Variants in STPG2 observed in about 807,000 individuals in gnomAD.
The protein encoded by STPG2 is sperm-tail PG-rich repeat-containing protein 2.
In STPG2, 56 loss-of-function variants were observed where a neutral mutation model predicts 54.2. That is an observed-to-expected ratio of 1.03 (90% CI 0.83 to 1.29). STPG2 has a LOEUF of 1.29. STPG2 is among the 50% of genes most tolerant of loss of function. STPG2 has a pLI of 0.00. For missense variants in STPG2, 596 were observed against 544.9 expected (o/e 1.09, Z -0.93); for synonymous variants, 200 against 181.8 (o/e 1.10, Z -0.81).
chr4:97,775,965 T>C (rs1002097274), intron 9 of STPG2, among the ~76,000 whole-genome samples: 31 of 152,230 alleles, frequency 2.0e-4, no homozygotes, highest in African/African-American at 7.5e-4. Flanking sequence ...TTTCACCACA[T>C]TGACAAGACT....
chr4:97,748,792 C>A (rs1275879484), intron 9 of STPG2, among the ~76,000 whole-genome samples: 9 of 151,452 alleles, frequency 5.9e-5, no homozygotes, highest in African/African-American at 1.7e-4. Flanking sequence ...TTGATTTGTT[C>A]TTTCTCAAAC....
At chr4:98,125,348 G>A (rs965477268) in intron 3 of STPG2, among the ~76,000 whole-genome samples, 5 of 152,082 alleles carry the variant, frequency 3.3e-5, no homozygotes, top group African/African-American at 1.2e-4. Context: ...TGGACCTTTG[G>A]ATGGGGTTTT....
intron 9 of STPG2, among the ~76,000 whole-genome samples, chr4:97,837,816 T>C (rs1052486938): frequency 6.6e-6 from 1 of 151,690 alleles, no homozygotes; most frequent in Non-Finnish European, 1.5e-5. Context: ...GGCTATAACA[T>C]GAGTTATTGA....
chr4:97,923,174 C>T (rs1732176350), intron 8 of STPG2, among the ~76,000 whole-genome samples: 1 of 152,260 alleles, frequency 6.6e-6, no homozygotes, highest in Non-Finnish European at 1.5e-5. Flanking sequence ...GCCCTTCAGC[C>T]TGCCGCTGCA....
chr4:97,475,974 T>C (rs1397418368), intron 4 of STPG2, among the ~76,000 whole-genome samples: 1 of 152,184 alleles, frequency 6.6e-6, no homozygotes. Flanking sequence ...TTTATATGTT[T>C]ATTTTTTCTC....
At chr4:97,675,297 C>G (rs934070912) in intron 10 of STPG2, among the ~76,000 whole-genome samples, 1 of 152,134 alleles carries the variant, frequency 6.6e-6, no homozygotes, top group African/African-American at 2.4e-5. Flanking sequence ...GCCACCGCGC[C>G]TGGCCTGAAG....
At chr4:97,920,758 C>A (rs540270828) in intron 8 of STPG2, among the ~76,000 whole-genome samples, 1 of 152,284 alleles carries the variant, frequency 6.6e-6, no homozygotes, top group South Asian at 2.1e-4. Context: ...CACCTATGGT[C>A]TTTGACCAGT....
At chr4:98,079,964 C>T (rs973906459) in intron 5 of STPG2, among the ~76,000 whole-genome samples, 5 of 151,974 alleles carry the variant, frequency 3.3e-5, no homozygotes, top group African/African-American at 7.2e-5. Context: ...ATTTTACTTT[C>T]GGAAATATGC....
At chr4:97,959,526 A>T (rs1423460285) in intron 7 of STPG2, among the ~76,000 whole-genome samples, 3 of 152,160 alleles carry the variant, frequency 2.0e-5, no homozygotes, top group Non-Finnish European at 4.4e-5. Flanking sequence ...GACATATTAC[A>T]ACTGACACCA....
intron 4 of STPG2, among the ~76,000 whole-genome samples, chr4:97,510,489 C>T (rs1730948896): frequency 6.6e-6 from 1 of 151,966 alleles, no homozygotes; most frequent in Non-Finnish European, 1.5e-5. Context: ...TACACTTTAC[C>T]TTCTATACAT....
chr4:97,539,245 G>T (rs1731627036), intron 4 of STPG2, among the ~76,000 whole-genome samples: 1 of 152,122 alleles, frequency 6.6e-6, no homozygotes, highest in African/African-American at 2.4e-5. Context: ...GACACAGACT[G>T]GTAAATTGGA....
At chr4:97,459,723 G>A (rs1048521092) in intron 4 of STPG2, among the ~76,000 whole-genome samples, 1 of 152,096 alleles carries the variant, frequency 6.6e-6, no homozygotes, top group African/African-American at 2.4e-5. Flanking sequence ...TTACAGGCGT[G>A]AGCCACCGTG....
chr4:98,017,875 A>ATT (rs1281110404), intron 5 of STPG2, among the ~76,000 whole-genome samples: 51 of 151,746 alleles, frequency 3.4e-4, no homozygotes, highest in Middle Eastern at 3.4e-3. Context: ...GCATTCATTC[A>ATT]TTCTCTCTCT....
chr4:97,975,615 T>C (rs1734472599), intron 6 of STPG2, among the ~76,000 whole-genome samples: 1 of 152,162 alleles, frequency 6.6e-6, no homozygotes, highest in African/African-American at 2.4e-5. Flanking sequence ...TCAATTCTAG[T>C]GAGCAGCAAT....
At chr4:97,532,020 A>C (rs1342308813) in intron 4 of STPG2, among the ~76,000 whole-genome samples, 1 of 152,184 alleles carries the variant, frequency 6.6e-6, no homozygotes, top group Admixed American at 6.5e-5. Context: ...AAAAAATACA[A>C]ATTAAAAGTT....
chr4:97,717,554 G>C (rs530088543), intron 9 of STPG2, among the ~76,000 whole-genome samples: 1 of 152,234 alleles, frequency 6.6e-6, no homozygotes, highest in East Asian at 1.9e-4. Context: ...TATCTCTTCA[G>C]ACAGCAATGT....
chr4:97,726,211 G>A (rs571936419), intron 9 of STPG2, among the ~76,000 whole-genome samples: 1 of 151,866 alleles, frequency 6.6e-6, no homozygotes, highest in Non-Finnish European at 1.5e-5. Flanking sequence ...TAGACAATTT[G>A]TATGATATTG....
At chr4:97,637,868 T>A (rs1721612360) in intron 10 of STPG2, among the ~76,000 whole-genome samples, 2 of 152,084 alleles carry the variant, frequency 1.3e-5, no homozygotes, top group African/African-American at 4.8e-5. Context: ...GGAAGAATAT[T>A]CCATGCTCAT....
At chr4:97,612,671 G>A (rs1041809766) in intron 10 of STPG2, among the ~76,000 whole-genome samples, 5 of 152,150 alleles carry the variant, frequency 3.3e-5, no homozygotes, top group South Asian at 2.1e-4. Context: ...TAGCCCAGGC[G>A]TGTGCCCAGA....
Sources: gnomAD v4.1 joint callset for allele counts (sites outside exome capture counted in the v4.1 genomes callset) on GRCh38, gnomAD v4.1.1 for gene constraint, MANE v1.5 for transcripts, NCBI Gene and HGNC (gene_info 2026-07-23, HGNC 2026-07-21) for gene names.